The following TMEM106B variants were observed in gnomAD, a reference collection of about 807,000 sequenced individuals.
TMEM106B encodes the protein transmembrane protein 106B.
In TMEM106B, 15 loss-of-function variants were observed where a neutral mutation model predicts 31.1. The ratio of observed to expected loss-of-function variants is 0.48; its 90% CI spans 0.32 to 0.74. The LOEUF (loss-of-function observed/expected upper bound fraction) is 0.74, where lower values mean the gene tolerates loss of function less well. TMEM106B is among the 30% of genes least tolerant of loss of function. The probability of loss-of-function intolerance (pLI) is 0.03; values close to 1 mark genes in which losing one functional copy is unlikely to be tolerated. For synonymous variants in TMEM106B, 126 were observed against 112.5 expected (o/e 1.12, Z -0.76); for missense variants, 283 against 327.3 (o/e 0.86, Z 1.04).
At position 12,229,712 on chromosome 7, in the gene TMEM106B, T is replaced by C; in HGVS notation, c.475T>C (p.Ser159Pro). The change falls in exon 5 of 8, where the codon TCT becomes CCT. Residue 159 changes from serine (S) to proline (P), a missense_variant. Physicochemically the swap from Ser to Pro is moderately conservative, Grantham distance 74. This residue lies in a region of TMEM106B where 201 missense variants were observed against 211.5 expected (regional missense o/e 0.95). Transcript: ENST00000396668. The stretch of plus-strand genomic sequence containing the variant: ...AAATATAACAAACAATAACTATTAC[T>C]CTGTCGAAGTTGAAAACATCACTGC... ...TLNITNNNYY[S>P]VEVENITAQV... 1.9e-6 allele frequency: 3 copies of C among 1,612,078 alleles called. No homozygotes were observed. The highest frequency in any genetic ancestry group is 2.5e-6 in the Non-Finnish European group (3 of 1,179,382).
chr7:12,226,446 GA>G (rs1781903479), intron 4 of TMEM106B, among the ~76,000 whole-genome samples: 1 of 152,176 alleles, frequency 6.6e-6, no homozygotes, highest in Non-Finnish European at 1.5e-5. Context: ...ACGTTTGTTT[GA>G]AAAGAGCACG....
chr7:12,215,109 C>G, intron 2 of TMEM106B, 82 bp downstream of exon 2: 1 of 1,214,458 alleles, frequency 8.2e-7, no homozygotes, highest in Non-Finnish European at 1.2e-6. Flanking sequence ...TCTCAGGAAC[C>G]ACCTGTTTTA....
intron 4 of TMEM106B, among the ~76,000 whole-genome samples, chr7:12,228,856 A>G (rs1346900703): frequency 6.6e-6 from 1 of 152,074 alleles, no homozygotes; most frequent in East Asian, 1.9e-4. Flanking sequence ...TCCTAACTAT[A>G]AATGAATTTG....
chr7:12,230,215 C>CA, intron 5 of TMEM106B, 174 bp from the exon 6 acceptor site: 1 of 649,880 alleles, frequency 1.5e-6, no homozygotes, highest in African/African-American at 1.9e-5. Flanking sequence ...GATCCTGTCT[C>CA]AAAAAAGAAA....
chr7:12,220,219 T>G (rs1244170885), intron 3 of TMEM106B, among the ~76,000 whole-genome samples: 4 of 152,158 alleles, frequency 2.6e-5, no homozygotes, highest in Non-Finnish European at 5.9e-5. Flanking sequence ...TGAAGGAAAT[T>G]AGGATTAATC....
chr7:12,228,328 T>C (rs1248407262), intron 4 of TMEM106B, among the ~76,000 whole-genome samples: 3 of 152,016 alleles, frequency 2.0e-5, no homozygotes, highest in Non-Finnish European at 2.9e-5. Context: ...TATTAACATT[T>C]ATGTATACTC....
In TMEM106B at chr7:12,238,775, A is replaced by G. The variant is rs1782189307; in HGVS notation, c.*6800A>G. 6.6e-6 allele frequency: 1 copy of G among 151,162 alleles called. No homozygotes were observed. The highest frequency in any genetic ancestry group is 2.1e-4 in the South Asian group (1 of 4,806). 9.4% of individuals were successfully genotyped at this position (151,162 alleles called of 1,614,324 possible). On this transcript the variant is annotated 3_prime_UTR_variant, in exon 8 of 8. Coordinates refer to ENST00000396668, the MANE Select transcript of TMEM106B (RefSeq NM_001134232.2). ...TTGAAAGGAATTTTTTTTTCCAAGC[A>G]GGTCTCAACAATGGGCTTAAAATAT... is the stretch of plus-strand genomic sequence containing the variant.
intron 4 of TMEM106B, among the ~76,000 whole-genome samples, chr7:12,227,537 G>C (rs1781925483): frequency 7.0e-6 from 1 of 143,534 alleles, no homozygotes; most frequent in South Asian, 2.3e-4. Flanking sequence ...CATGTTAAAT[G>C]GTCTTGTGTA....
rs547414905 is a variant in TMEM106B at position 12,215,034 on chromosome 7, G to A, written c.217+7G>A. ...ACAGGAAGAATTCCTAGGGGTATGT[G>A]TTATTGTATTGTTTTCCCTTTAAAT... On this transcript the variant is annotated splice_region_variant and intron_variant, in intron 2 of 7. Transcript: ENST00000396668. 2 of 1,607,600 alleles carry A rather than the reference G, an allele frequency of 1.2e-6. No individual in the cohort carries two copies. Among genetic ancestry groups the A allele is most frequent in the East Asian group, 4.5e-5 (2 of 44,774 alleles).
chr7:12,221,692 G>T (rs1781790817), intron 3 of TMEM106B, among the ~76,000 whole-genome samples: 1 of 152,204 alleles, frequency 6.6e-6, no homozygotes, highest in Non-Finnish European at 1.5e-5. Context: ...GTTCCAGCCT[G>T]CAGCACAAGG....
At position 12,234,463 on chromosome 7, in the gene TMEM106B, A is replaced by G. The variant is rs1283585771; in HGVS notation, c.*2488A>G. ...GTAACTGTCAGAATAAGCCTGGAAC[A>G]AAACAGGCTGTAAATTAATAAAACT... On this transcript the variant is annotated 3_prime_UTR_variant, in exon 8 of 8. Coordinates refer to ENST00000396668, the MANE Select transcript of TMEM106B (RefSeq NM_001134232.2). 2 of 151,936 alleles carry G rather than the reference A, an allele frequency of 1.3e-5. No homozygotes were observed. Among genetic ancestry groups the G allele is most frequent in the African/African-American group, 4.8e-5 (2 of 41,444 alleles). 9.4% of individuals were successfully genotyped at this position (151,936 alleles called of 1,614,324 possible).
intron 3 of TMEM106B, 134 bp from the exon 4 acceptor site, chr7:12,224,092 T>G: frequency 1.3e-6 from 1 of 778,028 alleles, no homozygotes; most frequent in Non-Finnish European, 2.1e-6. Context: ...CTTTCAGATG[T>G]GAAAATTTGG....
At chr7:12,229,892 A>C (rs1208203321) in intron 5 of TMEM106B, 73 bp downstream of exon 5, 1 of 1,465,702 alleles carries the variant, frequency 6.8e-7, no homozygotes, top group East Asian at 2.3e-5. Flanking sequence ...AACTTGAAGG[A>C]GGTGGGGGAT....
intron 4 of TMEM106B, among the ~76,000 whole-genome samples, 159 bp downstream of exon 4, chr7:12,224,544 T>A (rs1285735468): frequency 6.6e-6 from 1 of 152,212 alleles, no homozygotes; most frequent in African/African-American, 2.4e-5. Flanking sequence ...CATTTCTGGT[T>A]CTGCTAAAAA....
At position 12,232,216 on chromosome 7, in the gene TMEM106B, C is replaced by A; in HGVS notation, c.*241C>A. ...TTACTGGTTGATTTCCTTCTCCAGC[C>A]TATCCCCTACAGGGAAAAGCTGATA... On this transcript the variant is annotated 3_prime_UTR_variant, in exon 8 of 8. Coordinates refer to ENST00000396668, the MANE Select transcript of TMEM106B (RefSeq NM_001134232.2). 3.3e-6 allele frequency: 1 copy of A among 299,794 alleles called. No homozygotes were observed. Among genetic ancestry groups the A allele is most frequent in the Non-Finnish European group, 6.2e-6 (1 of 160,656 alleles). 18.6% of individuals were successfully genotyped at this position (299,794 alleles called of 1,614,324 possible).
At position 12,237,787 on chromosome 7, in the gene TMEM106B, A is replaced by G. The variant is rs1483988641; in HGVS notation, c.*5812A>G. 1 of 150,788 alleles carries G rather than the reference A, an allele frequency of 6.6e-6. No individual in the cohort carries two copies. Among genetic ancestry groups the G allele is most frequent in the East Asian group, 2.0e-4 (1 of 5,060 alleles). The allele number at this position is 150,788 out of a possible 1,614,324, so 9.3% of individuals were successfully genotyped here. On this transcript the variant is annotated 3_prime_UTR_variant, in exon 8 of 8. Transcript: ENST00000396668. ...GAAGTTCAAGACCAAATTGGTCAAC[A>G]TGGCGAGACCCCATATAAAATATAT...
At position 12,232,204 on chromosome 7, in the gene TMEM106B, T is replaced by G. The variant is rs1782039978; in HGVS notation, c.*229T>G. On this transcript the variant is annotated 3_prime_UTR_variant, in exon 8 of 8. Transcript: ENST00000396668. Reference sequence around the variant, plus strand: ...TTGAATCTAAATTTACTGGTTGATTTCCTTCTCCAGCCTATCCCCTACAGG... The same window carrying G: ...TTGAATCTAAATTTACTGGTTGATTGCCTTCTCCAGCCTATCCCCTACAGG... 1 of 328,970 alleles carries G rather than the reference T, an allele frequency of 3.0e-6. No homozygotes were observed. The highest frequency in any genetic ancestry group is 4.6e-5 in the East Asian group (1 of 21,930). 20.4% of individuals were successfully genotyped at this position (328,970 alleles called of 1,614,324 possible). A position where few individuals can be genotyped will look rare whatever the true frequency, so the allele number is the denominator to read the frequency against.
intron 4 of TMEM106B, among the ~76,000 whole-genome samples, chr7:12,225,182 A>T (rs990106310): frequency 2.0e-5 from 3 of 152,136 alleles, no homozygotes; most frequent in African/African-American, 7.2e-5. Context: ...CCACGTCCCT[A>T]CAAAGGACAT....
chr7:12,232,304 T>G lies in TMEM106B; in HGVS notation c.*329T>G, dbSNP rs1782041696. The G allele has an allele frequency of 6.1e-6, 1 of 164,924 alleles. No individual in the cohort carries two copies. Among genetic ancestry groups the G allele is most frequent in the Admixed American group, 6.4e-5 (1 of 15,682 alleles). 10.2% of individuals were successfully genotyped at this position (164,924 alleles called of 1,614,324 possible). ...ATAGCTCCAGTCACTACTGAAAACA[T>G]AATTTTGGTGATAAACATAATTTGA... On this transcript the variant is annotated 3_prime_UTR_variant, in exon 8 of 8. Transcript: ENST00000396668.
Sources: allele counts gnomAD v4.1 joint callset (sites outside exome capture counted in the v4.1 genomes callset), GRCh38; gene constraint gnomAD v4.1.1; regional missense constraint gnomAD v4.1.1; transcripts MANE v1.5; gene names NCBI Gene and HGNC (gene_info 2026-07-23, HGNC 2026-07-21).